FETUB: variants seen among roughly 807,000 people sequenced by gnomAD.
FETUB encodes fetuin-B.
Under a neutral mutation model 30.9 loss-of-function variants are expected in FETUB, and 28 were observed. The observed-to-expected ratio is 0.90, with a 90% CI of 0.67 to 1.24. The LOEUF (loss-of-function observed/expected upper bound fraction) is 1.24. Ranked by LOEUF, FETUB falls within the 50% of genes most tolerant of loss-of-function variation. FETUB has a pLI of 0.00. For missense variants in FETUB, 469 were observed against 455.3 expected, an observed-to-expected ratio of 1.03 and a Z score of -0.27; for synonymous variants, 186 against 175.9, an observed-to-expected ratio of 1.06 and a Z score of -0.45.
intron 5 of FETUB, among the ~76,000 whole-genome samples, chr3:186,650,085 A>G (rs1717884623): frequency 7.5e-6 from 1 of 132,922 alleles, no homozygotes; most frequent in African/African-American, 2.9e-5. Flanking sequence ...CATCGGCTTC[A>G]CATATTTGCT....
intron 2 of FETUB, chr3:186,642,051 A>G (rs1394404941): frequency 6.3e-6 from 1 of 158,394 alleles, no homozygotes; most frequent in Non-Finnish European, 1.4e-5. Context: ...TTGAGACCCA[A>G]GTTTATTCCA....
intron 5 of FETUB, among the ~76,000 whole-genome samples, chr3:186,650,075 C>T (rs1484357225): frequency 7.0e-6 from 1 of 142,280 alleles, no homozygotes; most frequent in Non-Finnish European, 1.5e-5. Context: ...ATGGACACAA[C>T]ATCGGCTTCA....
chr3:186,647,616 TA>T (rs1177080632), intron 5 of FETUB, among the ~76,000 whole-genome samples: 2 of 152,224 alleles, frequency 1.3e-5, no homozygotes, highest in African/African-American at 4.8e-5. Context: ...TTAATGTGTT[TA>T]TTATCCATTA....
chr3:186,646,802 C>T (rs948404312), intron 5 of FETUB, among the ~76,000 whole-genome samples: 2 of 152,180 alleles, frequency 1.3e-5, no homozygotes, highest in Non-Finnish European at 2.9e-5. Flanking sequence ...GGGCAAAATG[C>T]ACCAAAATAC....
At chr3:186,638,129 C>T (rs192679623), upstream of FETUB, among the ~76,000 whole-genome samples, 16 of 152,278 alleles carry the variant, frequency 1.1e-4, no homozygotes, top group Admixed American at 5.2e-4. Context: ...TTTTACTTTT[C>T]GAATGCAGAT....
intron 2 of FETUB, 75 bp downstream of exon 2, chr3:186,641,215 G>A (rs960883367): frequency 3.5e-6 from 3 of 858,476 alleles, no homozygotes; most frequent in East Asian, 5.3e-5. Flanking sequence ...CAGGGTCAAG[G>A]GTGCTCAATA....
Position 186,642,492 on chromosome 3 carries a change from A to G in FETUB, c.358A>G (p.Ile120Val), listed in dbSNP as rs368129449. ...FESVYGQCKA[I>V]FYMNNPSRVL... ...TCAGGTTTATGGTCAATGCAAAGCAATATTTTATATGAACAACCCAAGTAG... is the reference window on the plus strand; with the variant it reads ...TCAGGTTTATGGTCAATGCAAAGCAGTATTTTATATGAACAACCCAAGTAG... The change falls in exon 3 of 7, where the codon ATA (isoleucine) becomes GTA (valine). Residue 120 changes from isoleucine to valine, a missense_variant. Coordinates refer to ENST00000265029, the MANE Select transcript of FETUB (RefSeq NM_014375.3). 6.2e-7 allele frequency: 1 copy of G among 1,607,310 alleles called. No individual in the cohort carries two copies. Among genetic ancestry groups the G allele is most frequent in the Non-Finnish European group, 8.5e-7 (1 of 1,174,262 alleles).
intron 5 of FETUB, among the ~76,000 whole-genome samples, chr3:186,647,666 G>T (rs1233588074): frequency 6.6e-6 from 1 of 151,960 alleles, no homozygotes; most frequent in Non-Finnish European, 1.5e-5. Flanking sequence ...TAAATCATTT[G>T]CCTACCTAAA....
intron 4 of FETUB, among the ~76,000 whole-genome samples, chr3:186,645,762 C>T (rs948011112): frequency 8.6e-6 from 1 of 116,814 alleles, no homozygotes; most frequent in African/African-American, 3.3e-5. Context: ...GAGTCTCACT[C>T]TATCGCTAGG....
In FETUB at chr3:186,640,691, T is replaced by C; in HGVS notation, c.225+6T>C. 1 of 1,609,584 alleles carries C rather than the reference T, an allele frequency of 6.2e-7. No individual in the cohort carries two copies. Among genetic ancestry groups the C allele is most frequent in the Non-Finnish European group, 8.5e-7 (1 of 1,176,054 alleles). ...ACGCCCAGGAATACAGACGGGCAAG[T>C]AGGGACAGTTCCCACTCTGGGGCAG... On this transcript the variant is annotated splice_donor_region_variant and intron_variant, in intron 1 of 6. Transcript: ENST00000265029.
chr3:186,649,171 C>T, intron 5 of FETUB, among the ~76,000 whole-genome samples: 1 of 152,184 alleles, frequency 6.6e-6, no homozygotes, highest in East Asian at 1.9e-4. Context: ...AGAGCCCCTC[C>T]TCTTTGTGAC....
At chr3:186,651,507 C>A (rs541995561) in intron 6 of FETUB, 2 of 540,966 alleles carry the variant, frequency 3.7e-6, no homozygotes, top group South Asian at 2.3e-5. Context: ...GCAGAATAAG[C>A]AAGACAAATT....
rs1453983373 is a variant in FETUB, at chr3:186,642,354, AATTTG to A, written c.337-114_337-110del. 9.0e-6 allele frequency: 6 copies of A among 665,702 alleles called. No individual in the cohort carries two copies. The African/African-American group carries it at 1.1e-4, about 12-fold the overall frequency. 41.2% of individuals were successfully genotyped at this position (665,702 alleles called of 1,614,324 possible). On this transcript the variant is annotated intron_variant, in intron 2 of 6. Coordinates refer to ENST00000265029, the MANE Select transcript of FETUB (RefSeq NM_014375.3). Reference sequence around the variant, plus strand: ...CAGTTCCTCCCAGCCAAAACCACAGAATTTGATCTTAAGTTTCTAACTACTTTAAA... The same window carrying A: ...CAGTTCCTCCCAGCCAAAACCACAGAATCTTAAGTTTCTAACTACTTTAAA...
At chr3:186,648,155 G>A (rs1717704338) in intron 5 of FETUB, among the ~76,000 whole-genome samples, 1 of 152,138 alleles carries the variant, frequency 6.6e-6, no homozygotes, top group South Asian at 2.1e-4. Flanking sequence ...CACATTTTGA[G>A]TTTTTGTACA....
At chr3:186,650,427 T>A (rs78052549) in intron 5 of FETUB, among the ~76,000 whole-genome samples, 2 of 152,274 alleles carry the variant, frequency 1.3e-5, no homozygotes, top group Non-Finnish European at 2.9e-5. Flanking sequence ...AGCTTCAATG[T>A]TTAAACAACA....
chr3:186,640,145 A>AG (rs1256263150), upstream of FETUB, among the ~76,000 whole-genome samples: 3 of 152,218 alleles, frequency 2.0e-5, no homozygotes, highest in Non-Finnish European at 2.9e-5. Flanking sequence ...CCTATTCAGG[A>AG]GGGGACCTGC....
At chr3:186,649,022 T>C (rs921841152) in intron 5 of FETUB, among the ~76,000 whole-genome samples, 22 of 152,230 alleles carry the variant, frequency 1.4e-4, no homozygotes, top group African/African-American at 4.3e-4. Flanking sequence ...AGCACACTTA[T>C]AAAGTCCCTT....
At position 186,640,573 on chromosome 3, in the gene FETUB, A is replaced by T; in HGVS notation, c.113A>T (p.Asp38Val). ...PSALLSRGCNDSDVLAVAGFA... is the reference protein window; with the variant it reads ...PSALLSRGCNVSDVLAVAGFA... ...GCTCTGCTCTCCCGGGGCTGCAATG[A>T]CTCAGATGTGCTGGCAGTTGCAGGC... Residue 38 changes from aspartate (D) to valine (V), a missense_variant, in exon 1 of 7, where the codon GAC becomes GTC. Coordinates refer to ENST00000265029, the MANE Select transcript of FETUB (RefSeq NM_014375.3). 1 of 1,613,102 alleles carries T rather than the reference A, an allele frequency of 6.2e-7. No homozygotes were observed. The highest frequency in any genetic ancestry group is 8.5e-7 in the Non-Finnish European group (1 of 1,179,060).
At chr3:186,642,086 C>A in intron 2 of FETUB, 1 of 177,374 alleles carries the variant, frequency 5.6e-6, no homozygotes, top group Non-Finnish European at 1.2e-5. Flanking sequence ...ACTCTGCAGC[C>A]TCAGCTCACG....
Sources: gnomAD v4.1 joint callset for allele counts (sites outside exome capture counted in the v4.1 genomes callset) on GRCh38, gnomAD v4.1.1 for gene constraint, MANE v1.5 for transcripts, NCBI Gene and HGNC (gene_info 2026-07-23, HGNC 2026-07-21) for gene names.